DPYD: variants seen among roughly 807,000 people sequenced by gnomAD.
The protein encoded by DPYD is dihydropyrimidine dehydrogenase [NADP(+)].
In DPYD, 109 loss-of-function variants were observed where a neutral mutation model predicts 116.2. That is an observed-to-expected ratio of 0.94 (90% CI 0.80 to 1.10). DPYD has a LOEUF of 1.10. Among genes scored for constraint, DPYD ranks in the 50% least tolerant of loss-of-function variants. The pLI is 0.00. For synonymous variants in DPYD, 440 were observed against 432.0 expected (o/e 1.02, Z -0.23); for missense variants, 1,302 against 1,254.5 (o/e 1.04, Z -0.57).
At chr1:97,217,397 C>T (rs1281896862) in intron 19 of DPYD, among the ~76,000 whole-genome samples, 1 of 152,082 alleles carries the variant, frequency 6.6e-6, no homozygotes, top group Non-Finnish European at 1.5e-5. Flanking sequence ...GATAGTCTGA[C>T]AGTAATTTCC....
intron 1 of DPYD, among the ~76,000 whole-genome samples, chr1:97,906,361 T>G (rs1157228662): frequency 6.6e-6 from 1 of 152,054 alleles, no homozygotes; most frequent in East Asian, 1.9e-4. Context: ...TGAACCATCA[T>G]CCCCAAGTAC....
At chr1:97,230,163 A>ATT (rs1444659231) in intron 19 of DPYD, among the ~76,000 whole-genome samples, 2 of 152,208 alleles carry the variant, frequency 1.3e-5, no homozygotes, top group Non-Finnish European at 2.9e-5. Flanking sequence ...AAATCATCCC[A>ATT]TTATAAAGAC....
chr1:97,832,097 T>C (rs1669570773), intron 2 of DPYD, among the ~76,000 whole-genome samples: 1 of 120,464 alleles, frequency 8.3e-6, no homozygotes, highest in Admixed American at 8.6e-5. Context: ...GTATTAATTA[T>C]AGTAAACCAG....
At position 97,563,823 on chromosome 1, in the gene DPYD, C is replaced by T. The variant is rs146235759; in HGVS notation, c.1339+9937G>A. On this transcript the variant is annotated intron_variant, in intron 11 of 22. Coordinates refer to ENST00000370192, the MANE Select transcript of DPYD (RefSeq NM_000110.4). ...TTGACCTCCATCCTCATCACCTCCA[C>T]CCTTTCAAAATAATTCCAAAGAAAA... Among the ~76,000 whole-genome samples the T allele has an allele frequency of 2.9e-3, 448 of 152,276 alleles. 1 individual carries two copies. The highest frequency in any genetic ancestry group is 0.01 in the African/African-American group (424 of 41,552).
intron 14 of DPYD, among the ~76,000 whole-genome samples, chr1:97,422,522 G>C (rs1353369160): frequency 1.3e-5 from 2 of 152,060 alleles, no homozygotes; most frequent in Non-Finnish European, 2.9e-5. Flanking sequence ...ACCTTTTTTA[G>C]AATGTATTTT....
At chr1:97,238,932 C>G (rs1362777891) in intron 18 of DPYD, among the ~76,000 whole-genome samples, 3 of 152,120 alleles carry the variant, frequency 2.0e-5, no homozygotes, top group African/African-American at 7.2e-5. Context: ...GTGGAATCCT[C>G]CAATAAAAAT....
At chr1:97,917,005 C>A (rs1454215393) in intron 1 of DPYD, among the ~76,000 whole-genome samples, 1 of 152,114 alleles carries the variant, frequency 6.6e-6, no homozygotes. Context: ...AGGAGAAACA[C>A]TTTAAAGTAA....
chr1:97,205,719 C>A (rs1416528658), intron 19 of DPYD, among the ~76,000 whole-genome samples: 1 of 152,118 alleles, frequency 6.6e-6, no homozygotes, highest in Non-Finnish European at 1.5e-5. Flanking sequence ...CATGTTGCAT[C>A]CAGTTGCTCT....
At chr1:97,838,593 C>A (rs1434258578) in intron 2 of DPYD, among the ~76,000 whole-genome samples, 2 of 152,096 alleles carry the variant, frequency 1.3e-5, no homozygotes, top group East Asian at 1.9e-4. Flanking sequence ...CGCCTGTAAT[C>A]CCAGCACTTT....
rs371854296 is a variant in DPYD, at chr1:97,508,394, G to A, written c.1740+7332C>T. Among the ~76,000 whole-genome samples the A allele has an allele frequency of 1.4e-4, 21 of 152,120 alleles. No homozygotes were observed. The South Asian group carries it at 4.1e-3, about 30-fold the overall frequency. ...AGGAAGTTGCCATGTTGGAGAACTA[G>A]AAAGGGGGCCAGTGTGGCTGGCAAA... On this transcript the variant is annotated intron_variant, in intron 13 of 22. Transcript: ENST00000370192.
chr1:97,606,430 C>T (rs1229082700), intron 8 of DPYD, among the ~76,000 whole-genome samples: 2 of 151,936 alleles, frequency 1.3e-5, no homozygotes, highest in Non-Finnish European at 2.9e-5. Flanking sequence ...AGGCACTTCA[C>T]CTGGACTGCA....
intron 8 of DPYD, among the ~76,000 whole-genome samples, chr1:97,631,356 C>T (rs1296867288): frequency 6.6e-6 from 1 of 152,072 alleles, no homozygotes; most frequent in East Asian, 1.9e-4. Flanking sequence ...TCAGCAAACC[C>T]TATTTGTTGT....
chr1:97,258,840 A>G (rs1348241387), intron 18 of DPYD, among the ~76,000 whole-genome samples: 1 of 152,170 alleles, frequency 6.6e-6, no homozygotes, highest in African/African-American at 2.4e-5. Context: ...GCAGATGGTC[A>G]TTTAAGAATT....
At position 97,679,202 on chromosome 1, in the gene DPYD, G is replaced by A; in HGVS notation, c.763-20C>T. 7.2e-7 allele frequency: 1 copy of A among 1,389,698 alleles called. No individual in the cohort carries two copies. Among genetic ancestry groups the A allele is most frequent in the Middle Eastern group, 2.2e-4 (1 of 4,468 alleles). The allele number at this position is 1,389,698 out of a possible 1,614,324, so 86.1% of individuals were successfully genotyped here. On this transcript the variant is annotated intron_variant, in intron 7 of 22. Transcript: ENST00000370192. ...AATTATCTATAAGAAACAATATTTTGCATAAGAAAATTTGGCATATGATTA... is the reference window on the plus strand; with the variant it reads ...AATTATCTATAAGAAACAATATTTTACATAAGAAAATTTGGCATATGATTA...
intron 8 of DPYD, among the ~76,000 whole-genome samples, chr1:97,613,188 C>T (rs975035938): frequency 6.6e-6 from 1 of 151,782 alleles, no homozygotes; most frequent in Non-Finnish European, 1.5e-5. Flanking sequence ...GTTCTCTAGG[C>T]AAGTTATCTA....
rs565182297 is a variant in DPYD at position 97,546,023 on chromosome 1, T to C, written c.1524+3537A>G. 8 of 1,376,924 alleles carry C rather than the reference T, an allele frequency of 5.8e-6. No individual in the cohort carries two copies. The South Asian group carries it at 7.0e-5, about 12-fold the overall frequency. The allele number at this position is 1,376,924 out of a possible 1,614,324, so 85.3% of individuals were successfully genotyped here. A position where few individuals can be genotyped will look rare whatever the true frequency, so the allele number is the denominator to read the frequency against. ...GGAGTTTTCCATATGTGACCATGAA[T>C]ATAAAATCACAGGTGTTAGATGATG... On this transcript the variant is annotated intron_variant, in intron 12 of 22. Transcript: ENST00000370192.
chr1:97,791,809 T>C (rs1179625745), intron 3 of DPYD, among the ~76,000 whole-genome samples: 2 of 152,258 alleles, frequency 1.3e-5, no homozygotes, highest in African/African-American at 4.8e-5. Context: ...CTCAAATATT[T>C]AGCTGCACCA....
At chr1:97,752,766 C>T (rs998857504) in intron 3 of DPYD, among the ~76,000 whole-genome samples, 1 of 152,128 alleles carries the variant, frequency 6.6e-6, no homozygotes, top group Non-Finnish European at 1.5e-5. Context: ...CTAATAGCAC[C>T]CCGTGGGTTC....
At chr1:97,664,021 CAT>C (rs1243285580) in intron 8 of DPYD, among the ~76,000 whole-genome samples, 13 of 152,122 alleles carry the variant, frequency 8.5e-5, no homozygotes, top group African/African-American at 3.1e-4. Flanking sequence ...AAAATATTTA[CAT>C]GTCTGTCTCC....
Sources: allele counts gnomAD v4.1 joint callset (sites outside exome capture counted in the v4.1 genomes callset), GRCh38; gene constraint gnomAD v4.1.1; transcripts MANE v1.5; gene names NCBI Gene and HGNC (gene_info 2026-07-23, HGNC 2026-07-21).